HIVEP1: variants seen among roughly 807,000 people sequenced by gnomAD.
HIVEP1 encodes zinc finger protein 40.
Under a neutral mutation model 180.0 loss-of-function variants are expected in HIVEP1, and 36 were observed. That is an observed-to-expected ratio of 0.20 (90% CI 0.15 to 0.26). HIVEP1 has a LOEUF of 0.26. Among genes scored for constraint, HIVEP1 ranks in the 10% least tolerant of loss-of-function variants. HIVEP1 has a pLI of 1.00. For synonymous variants in HIVEP1, 1,239 were observed against 1,239.0 expected (o/e 1.00, Z 0.00); for missense variants, 3,143 against 3,268.7 (o/e 0.96, Z 0.94).
At chr6:12,201,644 A>T in the HIVEP1 span, among the ~76,000 whole-genome samples, 1 of 152,226 alleles carries the variant, frequency 6.6e-6, no homozygotes, top group Non-Finnish European at 1.5e-5. Flanking sequence ...CTTCTCTGAT[A>T]ACCTATTTTA....
the HIVEP1 span, among the ~76,000 whole-genome samples, chr6:12,177,702 AT>A: frequency 5.3e-4 from 80 of 152,310 alleles, no homozygotes; most frequent in African/African-American, 1.9e-3. Context: ...TTGCTCTGAA[AT>A]TTTGACTCTA....
At chr6:12,209,096 G>A in the HIVEP1 span, among the ~76,000 whole-genome samples, 546 of 152,150 alleles carry the variant, frequency 3.6e-3, 2 homozygotes, top group African/African-American at 0.012. Context: ...AAGTCTGCTG[G>A]CATCTTGCCT....
rs1373625434 is a variant in HIVEP1 at position 12,163,313 on chromosome 6, G to A, written c.7009G>A (p.Ala2337Thr). The stretch of plus-strand genomic sequence containing the variant: ...ATCATCTGTAAGACTTCCTCCTGCT[G>A]CAGCTGAGCACAGCCCCCAGACAGC... Reference protein sequence around the residue: ...SPSSVRLPPAAAEHSPQTAAG... With the variant: ...SPSSVRLPPATAEHSPQTAAG... The change falls in exon 9 of 9, where the codon GCA becomes ACA. Residue 2337 changes from alanine (A) to threonine (T), a missense_variant. By Grantham distance (58) the Ala-to-Thr change is moderately conservative (BLOSUM62 0). Coordinates refer to ENST00000379388, the MANE Select transcript of HIVEP1 (RefSeq NM_002114.4). 34 of 1,614,064 alleles carry A rather than the reference G, an allele frequency of 2.1e-5. No homozygotes were observed. The highest frequency in any genetic ancestry group is 2.8e-5 in the Non-Finnish European group (33 of 1,179,976).
chr6:12,041,568 TCA>T (rs1192552297), intron 2 of HIVEP1, among the ~76,000 whole-genome samples: 2 of 151,904 alleles, frequency 1.3e-5, no homozygotes. Context: ...GTCCTTCAGG[TCA>T]TTACATGCAG....
intron 7 of HIVEP1, among the ~76,000 whole-genome samples, chr6:12,141,596 CA>C (rs1759035072): frequency 6.8e-6 from 1 of 146,222 alleles, no homozygotes; most frequent in Non-Finnish European, 1.5e-5. Flanking sequence ...CAAGACCCAT[CA>C]GTGTGCTGTA....
intron 3 of HIVEP1, among the ~76,000 whole-genome samples, chr6:12,096,037 C>T (rs1345753843): frequency 1.3e-5 from 2 of 151,706 alleles, no homozygotes; most frequent in Non-Finnish European, 2.9e-5. Flanking sequence ...GGTCAGCTTG[C>T]ATTATGATTT....
chr6:12,084,826 C>T (rs1199567257), intron 2 of HIVEP1, among the ~76,000 whole-genome samples: 1 of 151,972 alleles, frequency 6.6e-6, no homozygotes, highest in Non-Finnish European at 1.5e-5. Context: ...ATATGGTACC[C>T]AGCAGAACAG....
chr6:12,089,500 T>C (rs954485507), intron 3 of HIVEP1, among the ~76,000 whole-genome samples: 3 of 152,134 alleles, frequency 2.0e-5, no homozygotes, highest in African/African-American at 7.2e-5. Context: ...TTGAAAGTCC[T>C]GTTTGTGAGA....
rs200863826 is a variant in HIVEP1 at position 12,161,650 on chromosome 6, G to A, written c.6699G>A (p.Arg2233=). 6.2e-7 allele frequency: 1 copy of A among 1,614,146 alleles called. No homozygotes were observed. Among genetic ancestry groups the A allele is most frequent in the South Asian group, 1.1e-5 (1 of 91,082 alleles). The change falls in exon 8 of 9, where the codon AGG becomes AGA. Residue 2233 remains arginine (R), a synonymous_variant. Coordinates refer to ENST00000379388, the MANE Select transcript of HIVEP1 (RefSeq NM_002114.4). ...CTGTGAGTACTGACGAGGATGTCAG[G>A]ATCACCGATTGCTTTTCTGGGGTAC... The part of the protein sequence containing the change: ...QDPVSTDEDV[R]ITDCFSGVHT...
the HIVEP1 span, among the ~76,000 whole-genome samples, chr6:12,188,895 T>C: frequency 5.9e-5 from 9 of 151,954 alleles, no homozygotes; most frequent in African/African-American, 2.2e-4. Context: ...AACAAATAAA[T>C]TCTGAAGAAA....
chr6:12,145,674 C>T (rs1352418885), intron 7 of HIVEP1, among the ~76,000 whole-genome samples: 1 of 152,126 alleles, frequency 6.6e-6, no homozygotes, highest in Non-Finnish European at 1.5e-5. Flanking sequence ...ACCTCACCCT[C>T]TTACTGCTAG....
chr6:12,111,657 A>G (rs1474719704), intron 3 of HIVEP1, among the ~76,000 whole-genome samples: 1 of 152,384 alleles, frequency 6.6e-6, no homozygotes, highest in African/African-American at 2.4e-5. Context: ...CAGCAATGGC[A>G]GGTCAGGTCT....
intron 3 of HIVEP1, among the ~76,000 whole-genome samples, chr6:12,097,315 AT>A (rs199873320): frequency 0.34 from 46,581 of 138,582 alleles, 6,678 homozygotes; most frequent in Middle Eastern, 0.46. Flanking sequence ...TGCACCAGCC[AT>A]TTTTTTTTTT....
At chr6:12,015,992 T>G (rs1382833470) in intron 2 of HIVEP1, among the ~76,000 whole-genome samples, 1 of 151,846 alleles carries the variant, frequency 6.6e-6, no homozygotes, top group Non-Finnish European at 1.5e-5. Context: ...GGTTAAATAT[T>G]CTTTGCCAAC....
At chr6:12,151,761 A>G (rs1169862402) in intron 7 of HIVEP1, among the ~76,000 whole-genome samples, 1 of 152,228 alleles carries the variant, frequency 6.6e-6, no homozygotes, top group African/African-American at 2.4e-5. Context: ...ACTGTAGCAC[A>G]AAAGCAGCCA....
At chr6:12,096,910 T>C (rs897497645) in intron 3 of HIVEP1, among the ~76,000 whole-genome samples, 5 of 152,046 alleles carry the variant, frequency 3.3e-5, no homozygotes, top group African/African-American at 1.2e-4. Context: ...AAGGTGAAAA[T>C]GTTTTAAAAC....
intron 2 of HIVEP1, among the ~76,000 whole-genome samples, chr6:12,031,158 G>T (rs1341349470): frequency 6.6e-6 from 1 of 152,162 alleles, no homozygotes; most frequent in African/African-American, 2.4e-5. Flanking sequence ...TTGACTCTCT[G>T]CCTGTGGGTC....
At position 12,124,820 on chromosome 6, in the gene HIVEP1, TGTA is replaced by T. The variant is rs1450820358; in HGVS notation, c.5028_5030del (p.Val1677del). 2 of 1,614,066 alleles carry T rather than the reference TGTA, an allele frequency of 1.2e-6. No individual in the cohort carries two copies. The highest frequency in any genetic ancestry group is 1.7e-6 in the Non-Finnish European group (2 of 1,180,028). Reference sequence around the variant, plus strand: ...AGCCAATTTGCCAGACTAATCATAGTGTAGTGCCAATCAGTGAAGAACAAAATT... The same window carrying T: ...AGCCAATTTGCCAGACTAATCATAGTGTGCCAATCAGTGAAGAACAAAATT... On this transcript the variant is annotated inframe_deletion, in exon 4 of 9. Coordinates refer to ENST00000379388, the MANE Select transcript of HIVEP1 (RefSeq NM_002114.4).
At chr6:12,081,804 T>G (rs1348173827) in intron 2 of HIVEP1, among the ~76,000 whole-genome samples, 1 of 152,192 alleles carries the variant, frequency 6.6e-6, no homozygotes, top group East Asian at 1.9e-4. Context: ...CTCAGGAGTT[T>G]GTAAGACAGT....
Sources: allele counts gnomAD v4.1 joint callset (sites outside exome capture counted in the v4.1 genomes callset), GRCh38; gene constraint gnomAD v4.1.1; transcripts MANE v1.5; gene names NCBI Gene and HGNC (gene_info 2026-07-23, HGNC 2026-07-21).